Variants in CTNNA3 observed in about 807,000 individuals in gnomAD.
CTNNA3 encodes the protein catenin alpha 3.
Under a neutral mutation model 95.7 loss-of-function variants are expected in CTNNA3, and 76 were observed. That is an observed-to-expected ratio of 0.79 (90% CI 0.66 to 0.96). The LOEUF is 0.96. Ranked by LOEUF, CTNNA3 falls within the 40% of genes least tolerant of loss-of-function variation. CTNNA3 has a pLI of 0.00. For synonymous variants in CTNNA3, 431 were observed against 374.4 expected, an observed-to-expected ratio of 1.15 and a Z score of -1.74; for missense variants, 1,191 against 1,089.8, an observed-to-expected ratio of 1.09 and a Z score of -1.31.
At chr10:67,080,766 C>G (rs1002484269) in intron 7 of CTNNA3, among the ~76,000 whole-genome samples, 5 of 151,376 alleles carry the variant, frequency 3.3e-5, no homozygotes, top group Admixed American at 2.6e-4. Flanking sequence ...AAAATTAGCC[C>G]GGCGTGGTGG....
At chr10:66,099,089 TG>T (rs2081511876) in intron 14 of CTNNA3, among the ~76,000 whole-genome samples, 2 of 152,188 alleles carry the variant, frequency 1.3e-5, no homozygotes, top group Admixed American at 6.6e-5. Context: ...TACTAAACAG[TG>T]CCTGGTTCTA....
chr10:66,869,664 G>A (rs1844319712), intron 7 of CTNNA3, among the ~76,000 whole-genome samples: 1 of 152,036 alleles, frequency 6.6e-6, no homozygotes, highest in Non-Finnish European at 1.5e-5. Context: ...CTGGGGTCAG[G>A]TTGGAGATTA....
At chr10:66,309,396 TAAGGCTAGATTC>T (rs1480400708) in intron 12 of CTNNA3, among the ~76,000 whole-genome samples, 2 of 152,184 alleles carry the variant, frequency 1.3e-5, no homozygotes, top group East Asian at 3.9e-4. Context: ...ATTCTGTCAT[TAAGGCTAGATTC>T]CGGGCCGGGT....
At chr10:66,191,637 G>A (rs2086672162) in intron 13 of CTNNA3, among the ~76,000 whole-genome samples, 2 of 147,972 alleles carry the variant, frequency 1.4e-5, no homozygotes, top group Admixed American at 1.4e-4. Context: ...AAAAACTCCT[G>A]TAGCACCCAT....
At chr10:67,105,306 C>T (rs575711493) in intron 7 of CTNNA3, among the ~76,000 whole-genome samples, 20 of 151,324 alleles carry the variant, frequency 1.3e-4, no homozygotes, top group African/African-American at 4.4e-4. Flanking sequence ...AAAATTAGTC[C>T]AAGAACTATT....
intron 13 of CTNNA3, among the ~76,000 whole-genome samples, chr10:66,211,704 G>A (rs2088165765): frequency 6.6e-6 from 1 of 152,154 alleles, no homozygotes; most frequent in South Asian, 2.1e-4. Context: ...TGGCCCAAGA[G>A]GGCAACATGC....
intron 9 of CTNNA3, among the ~76,000 whole-genome samples, chr10:66,637,754 G>A (rs755709176): frequency 3.9e-5 from 6 of 152,194 alleles, no homozygotes; most frequent in Non-Finnish European, 8.8e-5. Flanking sequence ...TGGATGCTCA[G>A]TAGCCAGAAA....
At chr10:67,525,443 A>T (rs1160006453) in intron 4 of CTNNA3, among the ~76,000 whole-genome samples, 1 of 152,204 alleles carries the variant, frequency 6.6e-6, no homozygotes, top group Non-Finnish European at 1.5e-5. Flanking sequence ...TTATTTTGCA[A>T]GAAAGAGAAG....
intron 1 of CTNNA3, among the ~76,000 whole-genome samples, chr10:67,727,484 T>C (rs916571735): frequency 7.5e-6 from 1 of 133,636 alleles, no homozygotes; most frequent in Non-Finnish European, 1.5e-5. Flanking sequence ...TATTTATATA[T>C]TATATTAAAC....
intron 7 of CTNNA3, among the ~76,000 whole-genome samples, chr10:66,852,983 G>T (rs1430641243): frequency 1.3e-5 from 2 of 152,172 alleles, no homozygotes; most frequent in African/African-American, 4.8e-5. Context: ...ACAGAGGTCA[G>T]CCAATTATGT....
Position 67,640,832 on chromosome 10 carries a change from T to C in CTNNA3, c.99+6583A>G, listed in dbSNP as rs1001178129. 3.5e-4 allele frequency among the ~76,000 whole-genome samples: 53 copies of C among 152,316 alleles called. 1 individual carries two copies. The highest frequency in any genetic ancestry group is 6.0e-4 in the Non-Finnish European group (41 of 68,032). ...GAAAGCTGAAACTGGATCCCTTCCT[T>C]ACACCTTATACAAAAATTAATTCAA... On this transcript the variant is annotated intron_variant, in intron 2 of 17. Transcript: ENST00000433211.
At chr10:66,065,231 T>G (rs1033617944) in intron 15 of CTNNA3, among the ~76,000 whole-genome samples, 1 of 104,346 alleles carries the variant, frequency 9.6e-6, no homozygotes, top group African/African-American at 3.0e-5. Context: ...GTTTAAATGG[T>G]TTTTTTTTGT....
At chr10:66,742,237 A>C (rs577633920) in intron 9 of CTNNA3, among the ~76,000 whole-genome samples, 14 of 152,108 alleles carry the variant, frequency 9.2e-5, no homozygotes, top group Middle Eastern at 3.2e-3. Flanking sequence ...TTATGGTCGT[A>C]GCTGTGGGAT....
chr10:66,191,294 T>A (rs1447409209), intron 13 of CTNNA3, among the ~76,000 whole-genome samples: 3 of 152,026 alleles, frequency 2.0e-5, no homozygotes, highest in African/African-American at 7.2e-5. Context: ...AATAAGACAA[T>A]CCTTCTGGAT....
chr10:67,716,666 G>T (rs1841145433), intron 1 of CTNNA3, among the ~76,000 whole-genome samples: 1 of 152,038 alleles, frequency 6.6e-6, no homozygotes, highest in African/African-American at 2.4e-5. Context: ...CTTTTTTATG[G>T]CTGCATAGTA....
Position 66,209,355 on chromosome 10 carries a change from T to C in CTNNA3, c.1884+71115A>G, listed in dbSNP as rs563612614. On this transcript the variant is annotated intron_variant, in intron 13 of 17. Transcript: ENST00000433211. ...TAAATTAGTAAATGATATAGAATTATAGCAAGGTAAGAAGTATGGAGAGAA... is the reference window on the plus strand; with the variant it reads ...TAAATTAGTAAATGATATAGAATTACAGCAAGGTAAGAAGTATGGAGAGAA... Among the ~76,000 whole-genome samples the C allele has an allele frequency of 5.4e-4, 83 of 152,308 alleles. 1 individual carries two copies. The highest frequency in any genetic ancestry group is 1.9e-3 in the African/African-American group (81 of 41,586).
intron 3 of CTNNA3, among the ~76,000 whole-genome samples, chr10:67,589,709 T>G (rs186340024): frequency 6.6e-6 from 1 of 152,230 alleles, no homozygotes; most frequent in East Asian, 1.9e-4. Context: ...TATAATTCCA[T>G]GTGAAAAGTT....
intron 7 of CTNNA3, among the ~76,000 whole-genome samples, chr10:66,843,821 T>C (rs528535188): frequency 4.6e-5 from 7 of 152,204 alleles, no homozygotes; most frequent in Non-Finnish European, 1.0e-4. Context: ...TTTTGGAACG[T>C]TGATTTGGTG....
intron 7 of CTNNA3, among the ~76,000 whole-genome samples, chr10:67,177,541 T>C (rs1242724720): frequency 6.6e-6 from 1 of 152,172 alleles, no homozygotes; most frequent in Non-Finnish European, 1.5e-5. Context: ...TACTGACTGA[T>C]CTGAAAAACA....
Sources: gnomAD v4.1 joint callset for allele counts (sites outside exome capture counted in the v4.1 genomes callset) on GRCh38, gnomAD v4.1.1 for gene constraint, MANE v1.5 for transcripts, NCBI Gene and HGNC (gene_info 2026-07-23, HGNC 2026-07-21) for gene names.